ASXL3: variants seen among roughly 807,000 people sequenced by gnomAD.
The protein encoded by ASXL3 is ASXL transcriptional regulator 3.
A neutral mutation model predicts 170.6 loss-of-function variants in ASXL3; 34 were observed. The ratio of observed to expected loss-of-function variants is 0.20; its 90% CI spans 0.15 to 0.27. The LOEUF is 0.27. Ranked by LOEUF, ASXL3 falls within the 10% of genes least tolerant of loss-of-function variation. The pLI, the probability that ASXL3 is intolerant of heterozygous loss-of-function variation, is 1.00. For missense variants in ASXL3, 2,592 were observed against 2,695.3 expected (o/e 0.96, Z 0.85); for synonymous variants, 1,002 against 989.1 (o/e 1.01, Z -0.24).
At chr18:33,722,661 G>A (rs963304328) in intron 8 of ASXL3, among the ~76,000 whole-genome samples, 34 of 152,122 alleles carry the variant, frequency 2.2e-4, no homozygotes, top group Admixed American at 8.5e-4. Flanking sequence ...AAACGGCAGT[G>A]GCTGATGTAG....
chr18:33,718,160 C>T (rs917660274), intron 8 of ASXL3, among the ~76,000 whole-genome samples: 1 of 152,118 alleles, frequency 6.6e-6, no homozygotes, highest in African/African-American at 2.4e-5. Context: ...TAAGTTCCTA[C>T]TCTGTCATGC....
At chr18:33,657,765 G>C (rs952218147) in intron 4 of ASXL3, among the ~76,000 whole-genome samples, 2 of 152,232 alleles carry the variant, frequency 1.3e-5, no homozygotes, top group East Asian at 3.9e-4. Flanking sequence ...AGTGCGAGTA[G>C]AGGTATTGAG....
chr18:33,724,083 CT>C (rs1284083218), intron 8 of ASXL3, among the ~76,000 whole-genome samples: 1 of 152,090 alleles, frequency 6.6e-6, no homozygotes, highest in African/African-American at 2.4e-5. Flanking sequence ...GTTTATGTGA[CT>C]TACTTTTTTG....
intron 2 of ASXL3, among the ~76,000 whole-genome samples, chr18:33,634,840 G>A (rs1460168209): frequency 6.6e-6 from 1 of 152,160 alleles, no homozygotes; most frequent in African/African-American, 2.4e-5. Context: ...GGCGCTATGA[G>A]GTGAACACCT....
intron 1 of ASXL3, among the ~76,000 whole-genome samples, chr18:33,585,693 A>C (rs1448738114): frequency 6.6e-6 from 1 of 152,220 alleles, no homozygotes; most frequent in African/African-American, 2.4e-5. Context: ...AATATCTGAA[A>C]TATATAACTT....
intron 10 of ASXL3, among the ~76,000 whole-genome samples, chr18:33,737,686 C>G (rs2067571552): frequency 6.6e-6 from 1 of 152,042 alleles, no homozygotes; most frequent in Non-Finnish European, 1.5e-5. Flanking sequence ...TTTGATAACC[C>G]CAAATATGTT....
At chr18:33,587,283 G>A (rs532758479) in intron 1 of ASXL3, among the ~76,000 whole-genome samples, 2 of 152,216 alleles carry the variant, frequency 1.3e-5, no homozygotes, top group South Asian at 4.1e-4. Context: ...CTGCAATCTT[G>A]TAGCAATTTC....
Position 33,618,507 on chromosome 18 carries a change from G to C in ASXL3, c.137+10831G>C, listed in dbSNP as rs538206395. On this transcript the variant is annotated intron_variant, in intron 2 of 11. Coordinates refer to ENST00000269197, the MANE Select transcript of ASXL3 (RefSeq NM_030632.3). The stretch of plus-strand genomic sequence containing the variant: ...AAGTTGTGGAGATGTAGATATTACT[G>C]TTAAGTTAATTAAATACCTACTAAG... 3.9e-5 allele frequency among the ~76,000 whole-genome samples: 6 copies of C among 152,192 alleles called. No homozygotes were observed. The South Asian group carries it at 1.2e-3, about 32-fold the overall frequency.
At chr18:33,627,202 A>T (rs776270265) in intron 2 of ASXL3, 3 of 152,210 alleles carry the variant, frequency 2.0e-5, no homozygotes, top group Non-Finnish European at 4.4e-5. Context: ...AAGGCCAGGC[A>T]GTGCGATTTG....
chr18:33,711,538 TA>T (rs2067063192), intron 8 of ASXL3, among the ~76,000 whole-genome samples: 1 of 152,208 alleles, frequency 6.6e-6, no homozygotes, highest in Non-Finnish European at 1.5e-5. Context: ...GGTTATTATT[TA>T]ATTAAATGGA....
Position 33,718,066 on chromosome 18 carries a change from C to A in ASXL3, c.880-13902C>A, listed in dbSNP as rs560059892. On this transcript the variant is annotated intron_variant, in intron 8 of 11. Transcript: ENST00000269197. Reference sequence around the variant, plus strand: ...AAAATCTGTTGTTTATACTCCCTAACAAAAGTATCACAAAACTGGTAGGGT... The same window carrying A: ...AAAATCTGTTGTTTATACTCCCTAAAAAAAGTATCACAAAACTGGTAGGGT... Among the ~76,000 whole-genome samples the A allele has an allele frequency of 3.3e-5, 5 of 152,186 alleles. No homozygotes were observed. The South Asian group carries it at 1.0e-3, about 32-fold the overall frequency.
chr18:33,744,579 TAAC>T lies in ASXL3; in HGVS notation c.4732_4734del (p.Asn1578del), dbSNP rs760434691. 6.2e-7 allele frequency: 1 copy of T among 1,611,258 alleles called. No individual in the cohort carries two copies. Among genetic ancestry groups the T allele is most frequent in the African/African-American group, 1.3e-5 (1 of 74,914 alleles). On this transcript the variant is annotated inframe_deletion, in exon 12 of 12. Coordinates refer to ENST00000269197, the MANE Select transcript of ASXL3 (RefSeq NM_030632.3). ...TAAATGAGCCGACTGCTCCCAGTCA[TAAC>T]TTTGCTGAGCAGGCACGTGGCCCAG...
At chr18:33,742,197 A>G (rs1028294433) in intron 11 of ASXL3, among the ~76,000 whole-genome samples, 8 of 152,246 alleles carry the variant, frequency 5.3e-5, no homozygotes, top group Non-Finnish European at 1.2e-4. Context: ...GTCTCATTCC[A>G]TCTTTAAAAC....
In ASXL3 at chr18:33,740,200, T is replaced by G; in HGVS notation, c.2796T>G (p.Ser932Arg). 3 of 1,612,960 alleles carry G rather than the reference T, an allele frequency of 1.9e-6. No homozygotes were observed. The highest frequency in any genetic ancestry group is 2.5e-6 in the Non-Finnish European group (3 of 1,179,624). The change falls in exon 11 of 12, where the codon AGT becomes AGG. Residue 932 changes from serine (S) to arginine (R), a missense_variant. This residue lies in a region of ASXL3 where 2,246 missense variants were observed against 2,219.6 expected (regional missense o/e 1.01). Coordinates refer to ENST00000269197, the MANE Select transcript of ASXL3 (RefSeq NM_030632.3). ...NKTHKQGSTQSRLETSHTSKS... is the reference protein window; with the variant it reads ...NKTHKQGSTQRRLETSHTSKS... ...CACATAAGCAAGGGAGTACACAGAG[T>G]CGGTTAGAAACCTCACATACTTCCA...
At position 33,740,220 on chromosome 18, in the gene ASXL3, C is replaced by T. The variant is rs2067637203; in HGVS notation, c.2816C>T (p.Thr939Ile). 6.2e-7 allele frequency: 1 copy of T among 1,613,730 alleles called. No individual in the cohort carries two copies. Residue 939 changes from threonine (T) to isoleucine (I), a missense_variant, in exon 11 of 12, where the codon ACT (threonine) becomes ATT (isoleucine). By Grantham distance (89) the Thr-to-Ile change is moderately conservative (BLOSUM62 -1). This residue lies in a region of ASXL3 where 2,246 missense variants were observed against 2,219.6 expected (regional missense o/e 1.01). Transcript: ENST00000269197. ...CAGAGTCGGTTAGAAACCTCACATA[C>T]TTCCAAGTCATCAGAGCCCTCCAAG... is the stretch of plus-strand genomic sequence containing the variant. ...STQSRLETSH[T>I]SKSSEPSKSP...
At chr18:33,659,477 G>A (rs1471793276) in intron 4 of ASXL3, among the ~76,000 whole-genome samples, 1 of 151,938 alleles carries the variant, frequency 6.6e-6, no homozygotes, top group Admixed American at 6.6e-5. Context: ...TTTACTTTTG[G>A]CTGGGCATAC....
In ASXL3 at chr18:33,750,487, C is replaced by T. The variant is rs1269181623; in HGVS notation, c.*3892C>T. Reference sequence around the variant, plus strand: ...AATTTTCTTGTACTGCTGTATTCCCCTCCTTCCCCTGCTTCATGGAAACCT... The same window carrying T: ...AATTTTCTTGTACTGCTGTATTCCCTTCCTTCCCCTGCTTCATGGAAACCT... On this transcript the variant is annotated 3_prime_UTR_variant, in exon 12 of 12. Coordinates refer to ENST00000269197, the MANE Select transcript of ASXL3 (RefSeq NM_030632.3). 11 of 151,024 alleles carry T rather than the reference C, an allele frequency of 7.3e-5. No homozygotes were observed. Among genetic ancestry groups the T allele is most frequent in the Non-Finnish European group, 1.2e-4 (8 of 67,904 alleles). 9.4% of individuals were successfully genotyped at this position (151,024 alleles called of 1,614,324 possible). A position where few individuals can be genotyped will look rare whatever the true frequency, so the allele number is the denominator to read the frequency against.
Position 33,738,493 on chromosome 18 carries a change from C to A in ASXL3, c.1089C>A (p.Gly363=). 1.2e-6 allele frequency: 2 copies of A among 1,605,916 alleles called. No homozygotes were observed. Among genetic ancestry groups the A allele is most frequent in the Non-Finnish European group, 1.7e-6 (2 of 1,175,210 alleles). ...FFERFYGEKL[G]MSREESVKLT... ...ATTTCTAATTTCTGTACAGGCTGGGCATGTCAAGAGAGGAATCTGTGAAGC... is the reference window on the plus strand; with the variant it reads ...ATTTCTAATTTCTGTACAGGCTGGGAATGTCAAGAGAGGAATCTGTGAAGC... The change falls in exon 11 of 12, where the codon GGC becomes GGA. Residue 363 remains glycine, a synonymous_variant. Transcript: ENST00000269197.
intron 8 of ASXL3, among the ~76,000 whole-genome samples, chr18:33,716,769 ATTTC>A (rs1411169363): frequency 6.6e-6 from 1 of 152,010 alleles, no homozygotes; most frequent in African/African-American, 2.4e-5. Flanking sequence ...TGCAAATGGA[ATTTC>A]TTTCTTCAAT....
Sources: gnomAD v4.1 joint callset for allele counts (sites outside exome capture counted in the v4.1 genomes callset) on GRCh38, gnomAD v4.1.1 for gene constraint, gnomAD v4.1.1 regional missense constraint, MANE v1.5 for transcripts, NCBI Gene and HGNC (gene_info 2026-07-23, HGNC 2026-07-21) for gene names.